Variants in SYCP2L observed in about 807,000 individuals in gnomAD.
SYCP2L encodes synaptonemal complex protein 2 like.
A neutral mutation model predicts 125.8 loss-of-function variants in SYCP2L; 98 were observed. That is an observed-to-expected ratio of 0.78 (90% CI 0.66 to 0.92). SYCP2L has a LOEUF of 0.92. Ranked by LOEUF, SYCP2L falls within the 40% of genes least tolerant of loss-of-function variation. The probability of loss-of-function intolerance (pLI) is 0.00; values close to 1 mark genes in which losing one functional copy is unlikely to be tolerated. For missense variants in SYCP2L, 842 were observed against 936.4 expected, an observed-to-expected ratio of 0.90 and a Z score of 1.32; for synonymous variants, 317 against 325.4, an observed-to-expected ratio of 0.97 and a Z score of 0.28.
intron 29 of SYCP2L, among the ~76,000 whole-genome samples, chr6:10,966,373 TAATAA>T (rs1461563838): frequency 6.6e-6 from 1 of 152,178 alleles, no homozygotes; most frequent in African/African-American, 2.4e-5. Flanking sequence ...GCATAAAACC[TAATAA>T]AATAGTAGCG....
intron 5 of SYCP2L, 109 bp downstream of exon 5, chr6:10,898,224 G>A: frequency 1.2e-6 from 1 of 830,846 alleles, no homozygotes. Flanking sequence ...TTTGTTAAAA[G>A]ACTCACATGG....
rs1780636015 is a variant in SYCP2L at position 10,912,982 on chromosome 6, T to C, written c.1072+55T>C. ...CCAGTTCCAAATATTATTTCTGTTG[T>C]ATATGCAGTGTGTATTTATTTAATT... On this transcript the variant is annotated intron_variant, in intron 14 of 29. Coordinates refer to ENST00000283141, the MANE Select transcript of SYCP2L (RefSeq NM_001040274.3). The surrounding 1 kb of genome is among the most constrained non-coding windows in gnomAD (Gnocchi z 4.1). The C allele has an allele frequency of 5.3e-6, 8 of 1,499,790 alleles. No homozygotes were observed. In the Admixed American group the frequency reaches 1.4e-4, roughly 26 times the overall value. 92.9% of individuals were successfully genotyped at this position (1,499,790 alleles called of 1,614,324 possible).
chr6:10,920,393 T>G (rs1780774181), intron 14 of SYCP2L, among the ~76,000 whole-genome samples: 1 of 151,988 alleles, frequency 6.6e-6, no homozygotes, highest in Non-Finnish European at 1.5e-5. Context: ...AATTTTTGTA[T>G]TTTAGTAGAG....
In SYCP2L at chr6:10,887,175, T is replaced by C. The variant is rs746784605; in HGVS notation, c.9+40T>C. ...AAGGGCCCGGACCTTCTGTCCACAG[T>C]GCTAGGGCGCGCGAGGGCGCGGGGT... On this transcript the variant is annotated intron_variant, in intron 1 of 29. Transcript: ENST00000283141. 3.7e-6 allele frequency: 6 copies of C among 1,611,992 alleles called. No individual in the cohort carries two copies. The Admixed American group carries it at 1.0e-4, about 27-fold the overall frequency.
In SYCP2L at chr6:10,961,610, A is replaced by G. The variant is rs1228772274; in HGVS notation, c.2414+52A>G. ...AGAATCTTGGTTGAAGTATGAGGTAATGCTTTAGCTAGAGAATGGGCAGTT... is the reference window on the plus strand; with the variant it reads ...AGAATCTTGGTTGAAGTATGAGGTAGTGCTTTAGCTAGAGAATGGGCAGTT... On this transcript the variant is annotated intron_variant, in intron 28 of 29. Transcript: ENST00000283141. The G allele has an allele frequency of 1.9e-6, 3 of 1,570,644 alleles. No individual in the cohort carries two copies. The African/African-American group carries it at 4.1e-5, about 21-fold the overall frequency.
chr6:10,930,251 A>G, intron 18 of SYCP2L, 119 bp from the exon 19 acceptor site: 1 of 1,008,704 alleles, frequency 9.9e-7, no homozygotes. Context: ...ATTATATAAG[A>G]GAGCCCAGTC....
At chr6:10,957,637 A>T (rs1259945133) in intron 25 of SYCP2L, among the ~76,000 whole-genome samples, 2 of 152,072 alleles carry the variant, frequency 1.3e-5, no homozygotes, top group Admixed American at 6.5e-5. Flanking sequence ...ACATAGTGAG[A>T]CCCTGTCTCT....
At chr6:10,935,849 T>G (rs1428621895) in intron 21 of SYCP2L, among the ~76,000 whole-genome samples, 6 of 152,136 alleles carry the variant, frequency 3.9e-5, no homozygotes, top group African/African-American at 1.4e-4. Flanking sequence ...TTGCACAAAA[T>G]TGGCCATGGA....
Position 10,898,067 on chromosome 6 carries a change from A to G in SYCP2L, c.393A>G (p.Ser131=). The G allele has an allele frequency of 6.2e-7, 1 of 1,614,200 alleles. No individual in the cohort carries two copies. Among genetic ancestry groups the G allele is most frequent in the Non-Finnish European group, 8.5e-7 (1 of 1,179,996 alleles). Reference sequence around the variant, plus strand: ...TTCTGACCTCGGAAGGCCTAGCCTCAGACACGTCGCTGATTTGTGTTATAG... The same window carrying G: ...TTCTGACCTCGGAAGGCCTAGCCTCGGACACGTCGCTGATTTGTGTTATAG... ...TGILTSEGLA[S]DTSLICVIED... The change falls in exon 5 of 30, where the codon TCA becomes TCG. Residue 131 remains serine, a synonymous_variant. Coordinates refer to ENST00000283141, the MANE Select transcript of SYCP2L (RefSeq NM_001040274.3).
chr6:10,968,555 G>T (rs1278402742), intron 29 of SYCP2L, among the ~76,000 whole-genome samples: 3 of 152,176 alleles, frequency 2.0e-5, no homozygotes, highest in Non-Finnish European at 4.4e-5. Flanking sequence ...GGTGTCAGGG[G>T]AGGTGGTACC....
chr6:10,924,480 C>T lies in SYCP2L; in HGVS notation c.1073-16C>T, dbSNP rs1317072763. On this transcript the variant is annotated splice_polypyrimidine_tract_variant and intron_variant, in intron 14 of 29. Coordinates refer to ENST00000283141, the MANE Select transcript of SYCP2L (RefSeq NM_001040274.3). ...AAGTATGTTGCTATGCATTGATATT[C>T]CATATTTTCTCTTAGAAACGGAGAA... is the stretch of plus-strand genomic sequence containing the variant. 1 of 1,545,786 alleles carries T rather than the reference C, an allele frequency of 6.5e-7. No individual in the cohort carries two copies. The highest frequency in any genetic ancestry group is 8.7e-7 in the Non-Finnish European group (1 of 1,152,966).
At chr6:10,968,046 G>A (rs1225346515) in intron 29 of SYCP2L, among the ~76,000 whole-genome samples, 1 of 152,180 alleles carries the variant, frequency 6.6e-6, no homozygotes, top group Non-Finnish European at 1.5e-5. Flanking sequence ...AAGAGAAATA[G>A]AAGCCAGTTC....
At chr6:10,902,844 T>C in intron 7 of SYCP2L, 31 bp from the exon 8 acceptor site, 1 of 1,612,710 alleles carries the variant, frequency 6.2e-7, no homozygotes, top group Non-Finnish European at 8.5e-7. Flanking sequence ...TTTTCTTTCT[T>C]CTCCATGAAT....
At position 10,958,808 on chromosome 6, in the gene SYCP2L, A is replaced by G. The variant is rs1482189925; in HGVS notation, c.2188A>G (p.Asn730Asp). The G allele has an allele frequency of 2.5e-6, 4 of 1,613,730 alleles. No individual in the cohort carries two copies. The change falls in exon 26 of 30, where the codon AAT becomes GAT. Residue 730 changes from asparagine to aspartate, a missense_variant. By Grantham distance (23) the Asn-to-Asp change is conservative. Coordinates refer to ENST00000283141, the MANE Select transcript of SYCP2L (RefSeq NM_001040274.3). ...YELRYRKRPF[N>D]SENAKKAPDC... ...GCTTAGGTACAGAAAGCGTCCGTTT[A>G]ATTCAGAAAATGCAAAGAAAGCACC... is the stretch of plus-strand genomic sequence containing the variant.
At chr6:10,909,248 C>T (rs1043975536) in intron 10 of SYCP2L, among the ~76,000 whole-genome samples, 1 of 149,838 alleles carries the variant, frequency 6.7e-6, no homozygotes, top group African/African-American at 2.5e-5. Context: ...CCTGCCTTAT[C>T]CTCCCGAGTA....
At position 10,955,144 on chromosome 6, in the gene SYCP2L, A is replaced by G. The variant is rs1314998889; in HGVS notation, c.1983A>G (p.Ser661=). ...TACCAGAAGGTAGTTTTGCTAAGTC[A>G]CAACAATCAAGATTGGAAGAAGAGG... The part of the protein sequence containing the change: ...KDIPEGSFAK[S]QQSRLEEEVA... Residue 661 remains serine, a synonymous_variant, in exon 24 of 30, where the codon TCA becomes TCG. Transcript: ENST00000283141. The G allele has an allele frequency of 1.2e-6, 2 of 1,613,424 alleles. No homozygotes were observed. Among genetic ancestry groups the G allele is most frequent in the African/African-American group, 2.7e-5 (2 of 74,926 alleles).
rs1405315689 is a variant in SYCP2L, at chr6:10,926,887, CT to C, written c.1313-351del. ...CTCTGCCTCCTAGGTTTAAGCAACT[CT>C]TCTGCCTCAGCCTCCCAAGTAGCTG... On this transcript the variant is annotated intron_variant, in intron 16 of 29. Transcript: ENST00000283141. Among the ~76,000 whole-genome samples the C allele has an allele frequency of 3.3e-5, 5 of 151,568 alleles. No homozygotes were observed. The East Asian group carries it at 5.8e-4, about 18-fold the overall frequency.
chr6:10,888,908 C>T (rs9467812), intron 1 of SYCP2L, among the ~76,000 whole-genome samples: 31,426 of 152,030 alleles, frequency 0.21, 3,333 homozygotes, highest in East Asian at 0.34. Context: ...GTCACCCAGG[C>T]TGGAGCGCAG....
intron 14 of SYCP2L, among the ~76,000 whole-genome samples, chr6:10,923,124 G>A (rs1780828635): frequency 1.3e-5 from 2 of 152,134 alleles, no homozygotes; most frequent in Non-Finnish European, 2.9e-5. Flanking sequence ...TTAGACTCAT[G>A]TATGTTTCCC....
Sources: gnomAD v4.1 joint callset for allele counts (sites outside exome capture counted in the v4.1 genomes callset) on GRCh38, gnomAD v4.1.1 for gene constraint, Gnocchi (gnomAD v3.1) non-coding constraint, MANE v1.5 for transcripts, NCBI Gene and HGNC (gene_info 2026-07-23, HGNC 2026-07-21) for gene names.